Variants in ZNF66 observed in about 807,000 individuals in gnomAD.
ZNF66 encodes the protein putative zinc finger protein 66.
In ZNF66, 32 loss-of-function variants were observed where a neutral mutation model predicts 35.2. The ratio of observed to expected loss-of-function variants is 0.91; its 90% CI spans 0.69 to 1.22. The LOEUF (loss-of-function observed/expected upper bound fraction) is 1.22. Ranked by LOEUF, ZNF66 falls within the 50% of genes most tolerant of loss-of-function variation. ZNF66 has a pLI of 0.00. For synonymous variants in ZNF66, 231 were observed against 181.3 expected (o/e 1.27, Z -2.20); for missense variants, 666 against 543.1 (o/e 1.23, Z -2.25).
rs530596434 is a variant in ZNF66, at chr19:20,797,351, C to G, written c.226+3473C>G. 1.2e-4 allele frequency among the ~76,000 whole-genome samples: 17 copies of G among 138,530 alleles called. 1 individual carries two copies. The highest frequency in any genetic ancestry group is 2.4e-4 in the Non-Finnish European group (15 of 63,378). 90.9% of individuals were successfully genotyped at this position (138,530 alleles called of 152,430 possible). A position where few individuals can be genotyped will look rare whatever the true frequency, so the allele number is the denominator to read the frequency against. The stretch of plus-strand genomic sequence containing the variant: ...CCTCCCGAGTAGCTGGGACTACAGG[C>G]GCCCGCCACCTCGCCCGGCTAATTT... On this transcript the variant is annotated intron_variant, in intron 3 of 3. Coordinates refer to ENST00000344519, the MANE Select transcript of ZNF66 (RefSeq NM_001355197.2).
chr19:20,776,618 C>T (rs976937042), intron 1 of ZNF66, 168 bp downstream of exon 1: 9 of 1,017,636 alleles, frequency 8.8e-6, no homozygotes, highest in Middle Eastern at 4.7e-4. Flanking sequence ...GGCCCCCGGG[C>T]GTCCTGTCGC....
intron 3 of ZNF66, chr19:20,794,394 C>T (rs1971371951): frequency 6.6e-6 from 1 of 150,628 alleles, no homozygotes; most frequent in South Asian, 2.1e-4. Flanking sequence ...ATTCTGTTTT[C>T]TTCTTTTTCC....
chr19:20,786,574 G>A (rs1971289037), intron 1 of ZNF66, among the ~76,000 whole-genome samples: 1 of 152,158 alleles, frequency 6.6e-6, no homozygotes, highest in Non-Finnish European at 1.5e-5. Flanking sequence ...CAGGTCATGA[G>A]ATTTGAGAAA....
Position 20,776,358 on chromosome 19 carries a change from T to G in ZNF66, c.-90T>G. The G allele has an allele frequency of 1.3e-6, 2 of 1,500,262 alleles. No homozygotes were observed. The highest frequency in any genetic ancestry group is 2.3e-5 in the South Asian group (2 of 88,706). The allele number at this position is 1,500,262 out of a possible 1,614,324, so 92.9% of individuals were successfully genotyped here. A position where few individuals can be genotyped will look rare whatever the true frequency, so the allele number is the denominator to read the frequency against. The stretch of plus-strand genomic sequence containing the variant: ...GTCTGTTCACTGCTCTCTGTCTTCT[T>G]CTCCTAGAGGCCCAGCCTCTGTGGC... On this transcript the variant is annotated 5_prime_UTR_variant, in exon 1 of 4. Coordinates refer to ENST00000344519, the MANE Select transcript of ZNF66 (RefSeq NM_001355197.2).
rs75413086 is a variant in ZNF66 at position 20,801,874 on chromosome 19, C to G, written c.227-3953C>G. Among the ~76,000 whole-genome samples, 248 of 149,220 alleles carry G rather than the reference C, an allele frequency of 1.7e-3. 6 individuals are homozygous for G. Among genetic ancestry groups the G allele is most frequent in the African/African-American group, 6.1e-3 (236 of 38,890 alleles). Reference sequence around the variant, plus strand: ...GAACTTTTGGGATCAAGTAATCGGCCCACCTTGGCCATCCAAAGTCCTAAG... The same window carrying G: ...GAACTTTTGGGATCAAGTAATCGGCGCACCTTGGCCATCCAAAGTCCTAAG... On this transcript the variant is annotated intron_variant, in intron 3 of 3. Transcript: ENST00000344519.
At chr19:20,797,018 T>G (rs1971398584) in intron 3 of ZNF66, among the ~76,000 whole-genome samples, 1 of 151,764 alleles carries the variant, frequency 6.6e-6, no homozygotes, top group Admixed American at 6.6e-5. Flanking sequence ...CCCTGGCAAA[T>G]TTTTGTATTT....
At chr19:20,782,666 ATCT>A (rs149750389) in intron 1 of ZNF66, among the ~76,000 whole-genome samples, 11,976 of 152,170 alleles carry the variant, frequency 0.079, 505 homozygotes, top group Middle Eastern at 0.11. Flanking sequence ...CCACATGTAT[ATCT>A]TCTTTTGAAA....
intron 1 of ZNF66, among the ~76,000 whole-genome samples, chr19:20,777,451 G>C (rs1263319669): frequency 2.4e-5 from 2 of 83,538 alleles, no homozygotes; most frequent in South Asian, 7.8e-4. Context: ...CTTGAGCTTA[G>C]ATTTTTTTTT....
Position 20,807,771 on chromosome 19 carries a change from C to G in ZNF66, c.*449C>G, listed in dbSNP as rs957162048. On this transcript the variant is annotated 3_prime_UTR_variant, in exon 4 of 4. Transcript: ENST00000344519. ...ATAGGTACAGCTCCTGTCTACAGCTCCCAGCCTGAGCGACGCAGAAGATGG... is the reference window on the plus strand; with the variant it reads ...ATAGGTACAGCTCCTGTCTACAGCTGCCAGCCTGAGCGACGCAGAAGATGG... 2.0e-5 allele frequency among the ~76,000 whole-genome samples: 3 copies of G among 152,022 alleles called. No homozygotes were observed. In the East Asian group the frequency reaches 5.8e-4, roughly 30 times the overall value.
intron 1 of ZNF66, among the ~76,000 whole-genome samples, chr19:20,785,928 A>G (rs1971283177): frequency 6.6e-6 from 1 of 151,736 alleles, no homozygotes; most frequent in African/African-American, 2.4e-5. Flanking sequence ...TGCTGGGCTC[A>G]TTTTCATGTT....
At chr19:20,791,211 G>A (rs570568445) in intron 1 of ZNF66, among the ~76,000 whole-genome samples, 5 of 152,236 alleles carry the variant, frequency 3.3e-5, no homozygotes, top group Admixed American at 2.0e-4. Context: ...TAGGTCGGGC[G>A]TGGTGGCTCA....
rs1343306891 is a variant in ZNF66, at chr19:20,809,765, G to T, written c.*2443G>T. 1.3e-5 allele frequency among the ~76,000 whole-genome samples: 2 copies of T among 151,802 alleles called. No homozygotes were observed. The highest frequency in any genetic ancestry group is 2.4e-5 in the African/African-American group (1 of 41,312). ...AGACCATCGAGACTAGGAAGAAACT[G>T]CATGAACTAACGAGCAAAATAACCA... On this transcript the variant is annotated 3_prime_UTR_variant, in exon 4 of 4. Coordinates refer to ENST00000344519, the MANE Select transcript of ZNF66 (RefSeq NM_001355197.2).
intron 1 of ZNF66, among the ~76,000 whole-genome samples, chr19:20,783,624 C>T (rs1453667932): frequency 6.6e-6 from 1 of 152,080 alleles, no homozygotes; most frequent in Non-Finnish European, 1.5e-5. Context: ...TTTAGCAATA[C>T]AGAATGATAA....
chr19:20,805,027 C>T (rs1399908457), intron 3 of ZNF66, among the ~76,000 whole-genome samples: 2 of 151,940 alleles, frequency 1.3e-5, no homozygotes, highest in East Asian at 3.9e-4. Context: ...CTAGAAAAGC[C>T]CCTAAAAGCC....
At position 20,808,213 on chromosome 19, in the gene ZNF66, C is replaced by T. The variant is rs1020495594; in HGVS notation, c.*891C>T. Among the ~76,000 whole-genome samples the T allele has an allele frequency of 2.0e-5, 3 of 152,224 alleles. No individual in the cohort carries two copies. Among genetic ancestry groups the T allele is most frequent in the African/African-American group, 7.2e-5 (3 of 41,468 alleles). On this transcript the variant is annotated 3_prime_UTR_variant, in exon 4 of 4. Coordinates refer to ENST00000344519, the MANE Select transcript of ZNF66 (RefSeq NM_001355197.2). Reference sequence around the variant, plus strand: ...AGGTAAAGCAGCTGGGAAGCTAGAACTGGGTGGAGCCCACCACAGCTCAAG... The same window carrying T: ...AGGTAAAGCAGCTGGGAAGCTAGAATTGGGTGGAGCCCACCACAGCTCAAG...
intron 3 of ZNF66, among the ~76,000 whole-genome samples, chr19:20,795,326 A>G (rs1247416864): frequency 1.3e-5 from 2 of 151,806 alleles, no homozygotes; most frequent in African/African-American, 4.8e-5. Context: ...AACTGATTTT[A>G]GAAGCATTTC....
intron 3 of ZNF66, among the ~76,000 whole-genome samples, chr19:20,796,576 T>A (rs1428065128): frequency 6.6e-6 from 1 of 152,166 alleles, no homozygotes; most frequent in Admixed American, 6.5e-5. Context: ...ATTCTGCAAA[T>A]TGTATAATTT....
chr19:20,795,094 C>T (rs920909244), intron 3 of ZNF66, among the ~76,000 whole-genome samples: 4 of 151,898 alleles, frequency 2.6e-5, no homozygotes, highest in African/African-American at 9.7e-5. Context: ...AGGCTGGTCT[C>T]AAACTCCTGA....
chr19:20,778,236 A>G (rs1280243057), intron 1 of ZNF66, among the ~76,000 whole-genome samples: 1 of 152,002 alleles, frequency 6.6e-6, no homozygotes, highest in Non-Finnish European at 1.5e-5. Context: ...AGTAGCTGGG[A>G]TTACAGGTGT....
Sources: allele counts gnomAD v4.1 joint callset (sites outside exome capture counted in the v4.1 genomes callset), GRCh38; gene constraint gnomAD v4.1.1; transcripts MANE v1.5; gene names NCBI Gene and HGNC (gene_info 2026-07-23, HGNC 2026-07-21).